CD2AP: variants seen among roughly 807,000 people sequenced by gnomAD.
CD2AP encodes CD2-associated protein.
CD2AP carries 46 observed loss-of-function variants against 85.1 expected under a neutral mutation model. That is an observed-to-expected ratio of 0.54 (90% CI 0.43 to 0.69). The LOEUF (loss-of-function observed/expected upper bound fraction) is 0.69, where lower values mean the gene tolerates loss of function less well. Ranked by LOEUF, CD2AP falls within the 30% of genes least tolerant of loss-of-function variation. The pLI, the probability that CD2AP is intolerant of heterozygous loss-of-function variation, is 0.00. For missense variants in CD2AP, 769 were observed against 729.5 expected (o/e 1.05, Z -0.62); for synonymous variants, 255 against 252.9 (o/e 1.01, Z -0.08).
intron 6 of CD2AP, among the ~76,000 whole-genome samples, chr6:47,574,479 C>G (rs908216827): frequency 6.6e-6 from 1 of 151,454 alleles, no homozygotes; most frequent in Non-Finnish European, 1.5e-5. Flanking sequence ...AAATTTAACA[C>G]ACTTAGTAGA....
At chr6:47,585,011 A>C (rs936941951) in intron 11 of CD2AP, among the ~76,000 whole-genome samples, 1 of 151,928 alleles carries the variant, frequency 6.6e-6, no homozygotes, top group Non-Finnish European at 1.5e-5. Flanking sequence ...AATAAATTGG[A>C]GGCCGGGCGC....
At chr6:47,515,033 C>G (rs1395459138) in intron 2 of CD2AP, among the ~76,000 whole-genome samples, 2 of 148,532 alleles carry the variant, frequency 1.3e-5, no homozygotes, top group African/African-American at 5.0e-5. Flanking sequence ...GCCTGGGTGA[C>G]AGAGTGAGAG....
intron 16 of CD2AP, 138 bp downstream of exon 16, chr6:47,609,442 C>A: frequency 1.7e-6 from 1 of 589,242 alleles, no homozygotes; most frequent in Non-Finnish European, 3.0e-6. Context: ...TTTGGGAGAC[C>A]AAGTTTGGAG....
At chr6:47,504,640 G>C (rs543433297) in intron 2 of CD2AP, among the ~76,000 whole-genome samples, 1 of 152,042 alleles carries the variant, frequency 6.6e-6, no homozygotes, top group African/African-American at 2.4e-5. Flanking sequence ...TGGAGCCTGC[G>C]GATGTGGAGG....
chr6:47,600,370 G>A (rs1237318953), intron 13 of CD2AP, among the ~76,000 whole-genome samples: 1 of 151,812 alleles, frequency 6.6e-6, no homozygotes, highest in Non-Finnish European at 1.5e-5. Flanking sequence ...TAAAGTTCAA[G>A]GGCAGTTACA....
chr6:47,501,684 ATTTTCT>A (rs1371590298), intron 1 of CD2AP, among the ~76,000 whole-genome samples: 2 of 147,530 alleles, frequency 1.4e-5, no homozygotes, highest in East Asian at 4.0e-4. Flanking sequence ...GTGTGTGTGT[ATTTTCT>A]TTTTAGTCAG....
chr6:47,526,692 C>T (rs1221763720), intron 2 of CD2AP, among the ~76,000 whole-genome samples: 1 of 152,130 alleles, frequency 6.6e-6, no homozygotes, highest in East Asian at 1.9e-4. Flanking sequence ...TGTCCTCTAT[C>T]ACATTTGGTC....
chr6:47,577,200 C>T (rs1159969741), intron 8 of CD2AP, 97 bp downstream of exon 8: 2 of 728,322 alleles, frequency 2.7e-6, no homozygotes, highest in Non-Finnish European at 4.9e-6. Flanking sequence ...TATATTCACC[C>T]TGGAATCTAG....
chr6:47,503,296 G>A lies in CD2AP; in HGVS notation c.21G>A (p.Glu7=). Residue 7 remains glutamate (E), a synonymous_variant, in exon 2 of 18, where the codon GAG becomes GAA. Transcript: ENST00000359314. The part of the protein sequence containing the change: MVDYIV[E]YDYDAVHDDE... ...CTTTTTTAGTTGACTATATTGTGGA[G>A]TATGACTATGATGCTGTACATGATG... is the stretch of plus-strand genomic sequence containing the variant. 5.6e-6 allele frequency: 9 copies of A among 1,613,702 alleles called. No individual in the cohort carries two copies. Among genetic ancestry groups the A allele is most frequent in the Non-Finnish European group, 7.6e-6 (9 of 1,179,762 alleles).
chr6:47,576,971 AT>A (rs1768331535), intron 7 of CD2AP, 37 bp from the exon 8 acceptor site: 3 of 1,059,284 alleles, frequency 2.8e-6, no homozygotes, highest in Middle Eastern at 4.1e-4. Context: ...GAATGAATCC[AT>A]TTGTGTGAGC....
chr6:47,609,062 A>C, intron 15 of CD2AP, 61 bp from the exon 16 acceptor site: 1 of 1,291,378 alleles, frequency 7.7e-7, no homozygotes, highest in East Asian at 2.5e-5. Context: ...TTGCTGTTAA[A>C]ATCTTTCGAA....
chr6:47,617,687 CT>C (rs1465806345), intron 17 of CD2AP, among the ~76,000 whole-genome samples: 1 of 152,158 alleles, frequency 6.6e-6, no homozygotes, highest in African/African-American at 2.4e-5. Flanking sequence ...TGTTCTGATG[CT>C]TACTATCTTC....
At chr6:47,492,347 C>CATTT (rs1554167732) in intron 1 of CD2AP, among the ~76,000 whole-genome samples, 12 of 95,512 alleles carry the variant, frequency 1.3e-4, no homozygotes, top group Non-Finnish European at 1.9e-4. Context: ...CACCTGTAAT[C>CATTT]TTTTTTTTTT....
intron 1 of CD2AP, 151 bp downstream of exon 1, chr6:47,478,399 C>T: frequency 2.1e-6 from 2 of 936,994 alleles, no homozygotes; most frequent in Non-Finnish European, 1.7e-6. Flanking sequence ...CCCTTCTTGC[C>T]CTGCCTTCCA....
intron 12 of CD2AP, 50 bp downstream of exon 12, chr6:47,596,076 C>T (rs1768936192): frequency 8.4e-6 from 11 of 1,308,736 alleles, no homozygotes; most frequent in Non-Finnish European, 1.2e-5. Flanking sequence ...TCACCTTTGA[C>T]CTTAATGGCT....
chr6:47,546,628 T>C (rs1258737208), intron 4 of CD2AP, among the ~76,000 whole-genome samples: 1 of 151,996 alleles, frequency 6.6e-6, no homozygotes, highest in Non-Finnish European at 1.5e-5. Flanking sequence ...TCAGAAAAAC[T>C]TCCCCGGCCT....
At chr6:47,556,039 A>AT (rs985966179) in intron 5 of CD2AP, among the ~76,000 whole-genome samples, 10 of 143,968 alleles carry the variant, frequency 6.9e-5, no homozygotes, top group African/African-American at 2.3e-4. Context: ...AAAGAATGCA[A>AT]TTTTTTTTTC....
At chr6:47,488,932 T>G (rs1202819034) in intron 1 of CD2AP, 1 of 152,114 alleles carries the variant, frequency 6.6e-6, no homozygotes, top group African/African-American at 2.4e-5. Flanking sequence ...TTGTACGTGT[T>G]TATTTTGGGT....
intron 1 of CD2AP, among the ~76,000 whole-genome samples, chr6:47,501,779 A>G (rs535989953): frequency 1.5e-3 from 231 of 152,276 alleles, no homozygotes; most frequent in African/African-American, 5.3e-3. Context: ...TTGCTTTTTA[A>G]AAATTGAACC....
Sources: gnomAD v4.1 joint callset for allele counts (sites outside exome capture counted in the v4.1 genomes callset) on GRCh38, gnomAD v4.1.1 for gene constraint, MANE v1.5 for transcripts, NCBI Gene and HGNC (gene_info 2026-07-23, HGNC 2026-07-21) for gene names.